Variants in PDZRN4 observed in about 807,000 individuals in gnomAD.
PDZRN4 encodes PDZ domain-containing RING finger protein 4.
In PDZRN4, 70 loss-of-function variants were observed where a neutral mutation model predicts 99.0. The ratio of observed to expected loss-of-function variants is 0.71; its 90% CI spans 0.58 to 0.86. PDZRN4 has a LOEUF of 0.86. Ranked by LOEUF, PDZRN4 falls within the 40% of genes least tolerant of loss-of-function variation. PDZRN4 has a pLI of 0.00. For synonymous variants in PDZRN4, 551 were observed against 501.6 expected (o/e 1.10, Z -1.32); for missense variants, 1,474 against 1,331.2 (o/e 1.11, Z -1.67).
At chr12:41,443,069 C>A (rs569093828) in intron 3 of PDZRN4, among the ~76,000 whole-genome samples, 21 of 152,252 alleles carry the variant, frequency 1.4e-4, no homozygotes, top group African/African-American at 4.8e-4. Context: ...TGGTTCAGTT[C>A]AAAAACTCTG....
chr12:41,188,823 G>A lies in PDZRN4; in HGVS notation c.368G>A (p.Gly123Asp). ...CGCGGGGGCTGCGCTTCGGGGCTGGGCGGTGGTGAGGTGCCCGCGCGGGGG... is the reference window on the plus strand; with the variant it reads ...CGCGGGGGCTGCGCTTCGGGGCTGGACGGTGGTGAGGTGCCCGCGCGGGGG... ...RSRGGCASGL[G>D]GGEVPARGGC... The change falls in exon 1 of 10, where the codon GGC becomes GAC. Residue 123 changes from glycine (G) to aspartate (D), a missense_variant. Gly to Asp is a moderately conservative substitution (Grantham distance 94). Transcript: ENST00000402685. 2.3e-6 allele frequency: 3 copies of A among 1,322,720 alleles called. No individual in the cohort carries two copies. In the African/African-American group the frequency reaches 4.7e-5, roughly 21 times the overall value. The allele number at this position is 1,322,720 out of a possible 1,614,324, so 81.9% of individuals were successfully genotyped here. A position where few individuals can be genotyped will look rare whatever the true frequency, so the allele number is the denominator to read the frequency against.
intron 3 of PDZRN4, among the ~76,000 whole-genome samples, chr12:41,424,070 T>G (rs1376974141): frequency 2.0e-5 from 3 of 152,224 alleles, no homozygotes; most frequent in Non-Finnish European, 4.4e-5. Context: ...CTCTAAAAAT[T>G]AATAAATGCT....
intron 3 of PDZRN4, among the ~76,000 whole-genome samples, chr12:41,331,564 A>T (rs1301404909): frequency 6.6e-6 from 1 of 152,128 alleles, no homozygotes; most frequent in South Asian, 2.1e-4. Context: ...AGATCTGGTT[A>T]TTAAGGAAGT....
At chr12:41,247,694 AT>A (rs929833878) in intron 3 of PDZRN4, among the ~76,000 whole-genome samples, 5 of 152,226 alleles carry the variant, frequency 3.3e-5, no homozygotes, top group South Asian at 2.1e-4. Flanking sequence ...TGATGTAACA[AT>A]TTTTTTAAAG....
At chr12:41,499,480 T>A (rs1312731566) in intron 3 of PDZRN4, among the ~76,000 whole-genome samples, 2 of 152,004 alleles carry the variant, frequency 1.3e-5, no homozygotes, top group African/African-American at 4.8e-5. Flanking sequence ...ATAATTCATA[T>A]AAATATGCAC....
chr12:41,431,489 CT>C (rs1952585515), intron 3 of PDZRN4, among the ~76,000 whole-genome samples: 1 of 152,172 alleles, frequency 6.6e-6, no homozygotes, highest in African/African-American at 2.4e-5. Context: ...GGACAGAATA[CT>C]TCATAGTTCA....
intron 3 of PDZRN4, among the ~76,000 whole-genome samples, chr12:41,275,501 TAGA>T (rs1391986160): frequency 2.0e-5 from 3 of 152,058 alleles, no homozygotes; most frequent in Admixed American, 6.6e-5. Flanking sequence ...ATAACAAACT[TAGA>T]AGAAGTGAGC....
chr12:41,542,939 G>T (rs1464255029), intron 5 of PDZRN4, among the ~76,000 whole-genome samples: 7 of 151,798 alleles, frequency 4.6e-5, no homozygotes, highest in African/African-American at 1.7e-4. Flanking sequence ...TTTTATAATT[G>T]CTTATGTTTT....
intron 3 of PDZRN4, among the ~76,000 whole-genome samples, chr12:41,397,776 C>T (rs1025043869): frequency 6.6e-6 from 1 of 152,076 alleles, no homozygotes; most frequent in Non-Finnish European, 1.5e-5. Context: ...CCTTGAAGAA[C>T]TAATAATACT....
chr12:41,451,190 AG>A (rs1452623825), intron 3 of PDZRN4, among the ~76,000 whole-genome samples: 1 of 151,564 alleles, frequency 6.6e-6, no homozygotes, highest in East Asian at 1.9e-4. Context: ...AAAAAAACTT[AG>A]AAAATATCTC....
intron 3 of PDZRN4, among the ~76,000 whole-genome samples, chr12:41,481,078 A>C (rs1937665861): frequency 6.6e-6 from 1 of 152,034 alleles, no homozygotes; most frequent in Admixed American, 6.6e-5. Context: ...GGATTTCTCC[A>C]AATGCATGAA....
chr12:41,411,067 A>ATTTT (rs113666260), intron 3 of PDZRN4, among the ~76,000 whole-genome samples: 4 of 140,432 alleles, frequency 2.8e-5, no homozygotes, highest in East Asian at 2.1e-4. Context: ...ATATATATAT[A>ATTTT]TTTTTTTTTT....
At chr12:41,253,349 G>T (rs1370225747) in intron 3 of PDZRN4, among the ~76,000 whole-genome samples, 1 of 152,160 alleles carries the variant, frequency 6.6e-6, no homozygotes, top group East Asian at 1.9e-4. Context: ...TTTTATGAAT[G>T]GTAAGAGACA....
At position 41,506,536 on chromosome 12, in the gene PDZRN4, G is replaced by T; in HGVS notation, c.924G>T (p.Val308=). The part of the protein sequence containing the change: ...AFRNAKEPIV[V]QVLRRTPLSR... ...GCAATGCCAAGGAGCCCATTGTGGT[G>T]CAGGTGTTAAGGCGAACACCTCTTA... Residue 308 remains valine (V), a synonymous_variant, in exon 4 of 10, where the codon GTG becomes GTT. Transcript: ENST00000402685. The T allele has an allele frequency of 1.9e-6, 3 of 1,613,770 alleles. No homozygotes were observed. In the South Asian group the frequency reaches 3.3e-5, roughly 18 times the overall value.
chr12:41,254,332 TA>T (rs1416670734), intron 3 of PDZRN4, among the ~76,000 whole-genome samples: 1 of 152,080 alleles, frequency 6.6e-6, no homozygotes, highest in African/African-American at 2.4e-5. Context: ...AGGTAGGCTT[TA>T]AAAAACAAAG....
chr12:41,516,969 A>G (rs1249373317), intron 5 of PDZRN4, among the ~76,000 whole-genome samples: 1 of 151,872 alleles, frequency 6.6e-6, no homozygotes, highest in Admixed American at 6.6e-5. Flanking sequence ...ATTCCTTTTT[A>G]TTTTCTTGTA....
intron 3 of PDZRN4, among the ~76,000 whole-genome samples, chr12:41,235,466 A>T (rs180912596): frequency 9.9e-5 from 15 of 152,260 alleles, no homozygotes; most frequent in Admixed American, 8.5e-4. Flanking sequence ...CATTCGAAAA[A>T]CTTAGAAGGG....
intron 5 of PDZRN4, among the ~76,000 whole-genome samples, chr12:41,537,021 G>A (rs1938760266): frequency 6.6e-6 from 1 of 152,120 alleles, no homozygotes; most frequent in Admixed American, 6.5e-5. Context: ...TCCACAAAAA[G>A]ACTCTTAAGC....
At chr12:41,423,273 C>T (rs549182238) in intron 3 of PDZRN4, among the ~76,000 whole-genome samples, 16 of 152,116 alleles carry the variant, frequency 1.1e-4, no homozygotes, top group African/African-American at 3.6e-4. Flanking sequence ...TTAGGTATTT[C>T]TCCTAATGCT....
Sources: gnomAD v4.1 joint callset for allele counts (sites outside exome capture counted in the v4.1 genomes callset) on GRCh38, gnomAD v4.1.1 for gene constraint, MANE v1.5 for transcripts, NCBI Gene and HGNC (gene_info 2026-07-23, HGNC 2026-07-21) for gene names.